Variants in CLOCK observed in about 807,000 individuals in gnomAD.
CLOCK encodes the protein circadian locomoter output cycles protein kaput.
CLOCK carries 43 observed loss-of-function variants against 118.4 expected under a neutral mutation model. That is an observed-to-expected ratio of 0.36 (90% confidence interval 0.28 to 0.47). The LOEUF (loss-of-function observed/expected upper bound fraction) is 0.47. Ranked by LOEUF, CLOCK falls within the 20% of genes least tolerant of loss-of-function variation. CLOCK has a pLI of 1.00. For missense variants in CLOCK, 846 were observed against 999.9 expected, an observed-to-expected ratio of 0.85 and a Z score of 2.08; for synonymous variants, 326 against 339.2, an observed-to-expected ratio of 0.96 and a Z score of 0.43.
chr4:55,509,827 T>C (rs1487064504), intron 2 of CLOCK, 85 bp downstream of exon 2: 1 of 152,246 alleles, frequency 6.6e-6, no homozygotes, highest in East Asian at 1.9e-4. Context: ...CAAGTATTTT[T>C]ATAATTCCTT....
intron 1 of CLOCK, among the ~76,000 whole-genome samples, chr4:55,542,362 TAATAATAATAA>T (rs1560489840): frequency 5.1e-5 from 3 of 58,648 alleles, no homozygotes; most frequent in South Asian, 4.7e-4. Flanking sequence ...ATAATAATAA[TAATAATAATAA>T]TAATAATATT....
intron 1 of CLOCK, among the ~76,000 whole-genome samples, chr4:55,539,572 C>CAAAAAAA (rs57022769): frequency 1.5e-4 from 8 of 52,064 alleles, no homozygotes; most frequent in South Asian, 1.4e-3. Flanking sequence ...GACCTTGTCT[C>CAAAAAAA]AAAAAAAAAA....
chr4:55,542,769 A>C (rs529496906), intron 1 of CLOCK, among the ~76,000 whole-genome samples: 1 of 152,228 alleles, frequency 6.6e-6, no homozygotes, highest in South Asian at 2.1e-4. Flanking sequence ...GCTTAGGTTC[A>C]CTTCAGAGGA....
Position 55,429,866 on chromosome 4 carries a change from A to G in CLOCK, c.*5549T>C, listed in dbSNP as rs981983108. 9.8e-5 allele frequency: 15 copies of G among 152,356 alleles called. No individual in the cohort carries two copies. Among genetic ancestry groups the G allele is most frequent in the African/African-American group, 3.1e-4 (13 of 41,586 alleles). 9.4% of individuals were successfully genotyped at this position (152,356 alleles called of 1,614,324 possible). Reference sequence around the variant, plus strand: ...GACTTGAGGAGGGAAGTGCAGGGGCATCTGGAGTTGGCCCCTCCACTGCCG... The same window carrying G: ...GACTTGAGGAGGGAAGTGCAGGGGCGTCTGGAGTTGGCCCCTCCACTGCCG... On this transcript the variant is annotated 3_prime_UTR_variant, in exon 23 of 23. Coordinates refer to ENST00000513440, the MANE Select transcript of CLOCK (RefSeq NM_004898.4).
intron 13 of CLOCK, among the ~76,000 whole-genome samples, chr4:55,454,432 T>C (rs1724744676): frequency 2.0e-5 from 3 of 151,804 alleles, no homozygotes; most frequent in Admixed American, 6.6e-5. Flanking sequence ...CTGGCTCACA[T>C]AGTGAAACCC....
At chr4:55,523,811 T>C (rs908038330) in intron 1 of CLOCK, among the ~76,000 whole-genome samples, 2 of 152,224 alleles carry the variant, frequency 1.3e-5, no homozygotes, top group African/African-American at 4.8e-5. Flanking sequence ...TAAAAAAAAT[T>C]GAAGAAGTTT....
chr4:55,515,254 T>C (rs1179671740), intron 1 of CLOCK, among the ~76,000 whole-genome samples: 1 of 152,202 alleles, frequency 6.6e-6, no homozygotes, highest in African/African-American at 2.4e-5. Flanking sequence ...ATTAGTAATA[T>C]TAGCGTATCC....
Position 55,498,603 on chromosome 4 carries a change from C to CTTAGTA in CLOCK, c.-135-9139_-135-9138insTACTAA, listed in dbSNP as rs1553899408. ...TTTAAAAAATTGATCTATCTAGTTC[C>CTTAGTA]TTATTATTATTATTATTATTATTTT... is the stretch of plus-strand genomic sequence containing the variant. On this transcript the variant is annotated intron_variant, in intron 2 of 22. Transcript: ENST00000513440. Among the ~76,000 whole-genome samples, 417 of 148,684 alleles carry CTTAGTA rather than the reference C, an allele frequency of 2.8e-3. 2 individuals are homozygous for CTTAGTA. The highest frequency in any genetic ancestry group is 9.4e-3 in the African/African-American group (381 of 40,470).
rs536076462 is a variant in CLOCK, at chr4:55,456,111, C to A, written c.875+107G>T. 1.5e-4 allele frequency: 194 copies of A among 1,320,794 alleles called. 2 individuals are homozygous for A. In the South Asian group the frequency reaches 2.4e-3, roughly 16 times the overall value. 81.8% of individuals were successfully genotyped at this position (1,320,794 alleles called of 1,614,324 possible). A position where few individuals can be genotyped will look rare whatever the true frequency, so the allele number is the denominator to read the frequency against. Reference sequence around the variant, plus strand: ...GGCTTTATTTTTCAAAAAATGGGAACAGGTTTCAAAGTCCTAATTTAAAAA... The same window carrying A: ...GGCTTTATTTTTCAAAAAATGGGAAAAGGTTTCAAAGTCCTAATTTAAAAA... On this transcript the variant is annotated intron_variant, in intron 12 of 22. Transcript: ENST00000513440.
In CLOCK at chr4:55,432,934, G is replaced by C. The variant is rs1374823518; in HGVS notation, c.*2481C>G. ...CAGTTTAGACGTTTACCTGGGGCTT[G>C]TCTTATGCTTTGTTGCTGTCAACCT... On this transcript the variant is annotated 3_prime_UTR_variant, in exon 23 of 23. Transcript: ENST00000513440. The C allele has an allele frequency of 1.3e-5, 2 of 152,644 alleles. No homozygotes were observed. Among genetic ancestry groups the C allele is most frequent in the Non-Finnish European group, 2.9e-5 (2 of 68,048 alleles). The allele number at this position is 152,644 out of a possible 1,614,324, so 9.5% of individuals were successfully genotyped here. A position where few individuals can be genotyped will look rare whatever the true frequency, so the allele number is the denominator to read the frequency against.
intron 1 of CLOCK, among the ~76,000 whole-genome samples, chr4:55,533,677 T>A (rs1577870142): frequency 5.9e-5 from 9 of 151,730 alleles, no homozygotes; most frequent in Non-Finnish European, 1.3e-4. Context: ...CCAAGGCAGG[T>A]GGATCACCTG....
At chr4:55,438,717 C>T (rs79195531) in intron 21 of CLOCK, among the ~76,000 whole-genome samples, 180 bp from the exon 22 acceptor site, 7 of 152,164 alleles carry the variant, frequency 4.6e-5, no homozygotes, top group Admixed American at 1.3e-4. Flanking sequence ...AACAGTAAAA[C>T]AAAAAATTCA....
chr4:55,482,648 A>T, intron 4 of CLOCK, 91 bp downstream of exon 4: 5 of 814,182 alleles, frequency 6.1e-6, no homozygotes, highest in Non-Finnish European at 9.6e-6. Context: ...TAGGCATAAA[A>T]TTCCTTCTAT....
At chr4:55,519,709 C>T (rs1415997624) in intron 1 of CLOCK, among the ~76,000 whole-genome samples, 2 of 151,996 alleles carry the variant, frequency 1.3e-5, no homozygotes, top group African/African-American at 4.8e-5. Context: ...ACCCGGAAAG[C>T]GGAGACCGCA....
intron 2 of CLOCK, among the ~76,000 whole-genome samples, chr4:55,501,192 T>C (rs1055910517): frequency 6.6e-6 from 1 of 152,184 alleles, no homozygotes; most frequent in Non-Finnish European, 1.5e-5. Flanking sequence ...TCTAAAGATA[T>C]GCTTTCCCTC....
At chr4:55,496,409 T>C (rs1021664699) in intron 2 of CLOCK, among the ~76,000 whole-genome samples, 4 of 152,146 alleles carry the variant, frequency 2.6e-5, no homozygotes, top group Non-Finnish European at 5.9e-5. Context: ...ATTGGTTATG[T>C]TGTTAATTAC....
chr4:55,451,398 C>T lies in CLOCK; in HGVS notation c.1207-1166G>A, dbSNP rs367653631. Among the ~76,000 whole-genome samples, 247 of 152,290 alleles carry T rather than the reference C, an allele frequency of 1.6e-3. 2 individuals are homozygous for T. Among genetic ancestry groups the T allele is most frequent in the Middle Eastern group, 0.01 (3 of 294 alleles). On this transcript the variant is annotated intron_variant, in intron 15 of 22. Coordinates refer to ENST00000513440, the MANE Select transcript of CLOCK (RefSeq NM_004898.4). ...TTCCTAACTTACTAGCTATTACCCC[C>T]CTGTTGTTGATTCTTCCTTGTCTCC...
At position 55,435,596 on chromosome 4, in the gene CLOCK, TAAA is replaced by T. The variant is rs998409095; in HGVS notation, c.2362-5_2362-3del. The T allele has an allele frequency of 1.2e-6, 2 of 1,613,732 alleles. No homozygotes were observed. The highest frequency in any genetic ancestry group is 3.3e-5 in the Admixed American group (2 of 59,980). Reference sequence around the variant, plus strand: ...ATTCCCATGGAGCAACCTAGAAGTCTAAAAAACAAATGGATTATGCAGCATTGC... The same window carrying T: ...ATTCCCATGGAGCAACCTAGAAGTCTAAACAAATGGATTATGCAGCATTGC... On this transcript the variant is annotated splice_region_variant and splice_polypyrimidine_tract_variant and intron_variant, in intron 22 of 22. Transcript: ENST00000513440.
At chr4:55,458,295 C>T (rs937455178) in intron 11 of CLOCK, among the ~76,000 whole-genome samples, 38 of 152,224 alleles carry the variant, frequency 2.5e-4, no homozygotes, top group African/African-American at 8.7e-4. Context: ...CTACTGGGCT[C>T]AGGCAATCCT....
Sources: gnomAD v4.1 joint callset for allele counts (sites outside exome capture counted in the v4.1 genomes callset) on GRCh38, gnomAD v4.1.1 for gene constraint, MANE v1.5 for transcripts, NCBI Gene and HGNC (gene_info 2026-07-23, HGNC 2026-07-21) for gene names.